The following SGMS1 variants were observed in gnomAD, a reference collection of about 807,000 sequenced individuals.
SGMS1 encodes the protein sphingomyelin synthase 1, also known as phosphatidylcholine:ceramide cholinephosphotransferase 1.
A neutral mutation model predicts 46.2 loss-of-function variants in SGMS1; 13 were observed. That is an observed-to-expected ratio of 0.28 (90% CI 0.18 to 0.45). The LOEUF is 0.45. SGMS1 is among the 20% of genes least tolerant of loss of function. SGMS1 has a pLI of 1.00. For missense variants in SGMS1, 324 were observed against 519.9 expected, an observed-to-expected ratio of 0.62 and a Z score of 3.66; for synonymous variants, 203 against 187.8, an observed-to-expected ratio of 1.08 and a Z score of -0.66.
At chr10:50,440,391 AG>A (rs1312607746) in intron 5 of SGMS1, among the ~76,000 whole-genome samples, 2 of 152,054 alleles carry the variant, frequency 1.3e-5, no homozygotes, top group African/African-American at 4.8e-5. Context: ...AAAGTAAATA[AG>A]GGCTTATTTT....
chr10:50,358,120 T>C (rs1269493611), intron 6 of SGMS1, among the ~76,000 whole-genome samples: 3 of 152,132 alleles, frequency 2.0e-5, no homozygotes, highest in Non-Finnish European at 4.4e-5. Flanking sequence ...TCTCTATTTT[T>C]TTTAAATGTA....
chr10:50,581,730 T>C (rs1838436231), intron 2 of SGMS1, among the ~76,000 whole-genome samples: 1 of 152,198 alleles, frequency 6.6e-6, no homozygotes, highest in Admixed American at 6.5e-5. Context: ...TGAATAGGTG[T>C]TGTTCTTTGG....
intron 3 of SGMS1, among the ~76,000 whole-genome samples, chr10:50,478,804 CA>C (rs1467024219): frequency 1.3e-5 from 2 of 152,102 alleles, no homozygotes; most frequent in African/African-American, 4.8e-5. Context: ...ACAATCGATT[CA>C]ATTAGGAAAC....
At chr10:50,618,596 A>T (rs1445568274) in intron 1 of SGMS1, among the ~76,000 whole-genome samples, 4 of 152,234 alleles carry the variant, frequency 2.6e-5, no homozygotes, top group Non-Finnish European at 4.4e-5. Context: ...CTTTACAGCC[A>T]CCAAACATTG....
In SGMS1 at chr10:50,347,248, A is replaced by G. The variant is rs142312391; in HGVS notation, c.-231-2903T>C. 1.5e-3 allele frequency among the ~76,000 whole-genome samples: 222 copies of G among 152,308 alleles called. 5 individuals carry two copies. The East Asian group carries it at 0.039, about 27-fold the overall frequency. ...CTCAGAAGATAATCAATGTCTGCTC[A>G]ATATCTTCAAAAATATTCCTTTGAC... On this transcript the variant is annotated intron_variant, in intron 6 of 10. Transcript: ENST00000361781.
At chr10:50,525,107 G>A (rs996691747) in intron 2 of SGMS1, among the ~76,000 whole-genome samples, 2 of 152,160 alleles carry the variant, frequency 1.3e-5, no homozygotes, top group African/African-American at 2.4e-5. Context: ...TTAAATCAAA[G>A]ATTAAGAAGA....
At chr10:50,564,723 A>C (rs1838273126) in intron 2 of SGMS1, among the ~76,000 whole-genome samples, 1 of 152,232 alleles carries the variant, frequency 6.6e-6, no homozygotes, top group African/African-American at 2.4e-5. Context: ...ATAGGGCAGC[A>C]GAAAATGAGA....
intron 6 of SGMS1, among the ~76,000 whole-genome samples, chr10:50,397,048 A>G (rs1036637326): frequency 2.0e-5 from 3 of 152,202 alleles, no homozygotes; most frequent in African/African-American, 7.2e-5. Flanking sequence ...AATGTGCAGT[A>G]AGATCAAAAG....
At chr10:50,420,505 C>T (rs2133594889) in intron 6 of SGMS1, among the ~76,000 whole-genome samples, 1 of 152,308 alleles carries the variant, frequency 6.6e-6, no homozygotes, top group East Asian at 1.9e-4. Context: ...AAACCTTTTC[C>T]TCTCAGTCAA....
intron 3 of SGMS1, among the ~76,000 whole-genome samples, chr10:50,479,362 T>C (rs951939141): frequency 2.6e-5 from 4 of 152,166 alleles, no homozygotes; most frequent in African/African-American, 9.7e-5. Context: ...CCTAATGTCC[T>C]AGATTTGCAT....
At chr10:50,567,725 T>A (rs1276546492) in intron 2 of SGMS1, among the ~76,000 whole-genome samples, 1 of 152,162 alleles carries the variant, frequency 6.6e-6, no homozygotes, top group Non-Finnish European at 1.5e-5. Context: ...TTTAGACACA[T>A]CACAAAGTGA....
chr10:50,324,124 C>T (rs1029858222), intron 8 of SGMS1, among the ~76,000 whole-genome samples: 1 of 152,068 alleles, frequency 6.6e-6, no homozygotes, highest in South Asian at 2.1e-4. Flanking sequence ...CCCACAGAGC[C>T]CCTAGAAACT....
intron 2 of SGMS1, among the ~76,000 whole-genome samples, chr10:50,527,084 A>G (rs1436201836): frequency 3.3e-4 from 49 of 146,492 alleles, no homozygotes; most frequent in African/African-American, 1.3e-3. Flanking sequence ...AAAAAAAAAA[A>G]AAAAAGAAAG....
At chr10:50,333,662 A>C (rs569492248) in intron 7 of SGMS1, among the ~76,000 whole-genome samples, 1 of 152,336 alleles carries the variant, frequency 6.6e-6, no homozygotes, top group South Asian at 2.1e-4. Flanking sequence ...GAAAATTCTA[A>C]GGAAAGGTTA....
intron 3 of SGMS1, among the ~76,000 whole-genome samples, chr10:50,483,787 A>G (rs1564925674): frequency 6.6e-6 from 1 of 152,228 alleles, no homozygotes; most frequent in Non-Finnish European, 1.5e-5. Flanking sequence ...CTGCTCCTGA[A>G]TGACTCCTGA....
chr10:50,599,808 A>C (rs149080448), intron 1 of SGMS1, among the ~76,000 whole-genome samples: 1,669 of 152,330 alleles, frequency 0.011, 30 homozygotes, highest in African/African-American at 0.038. Flanking sequence ...GGTTGCAGTG[A>C]GCCAAGATTG....
intron 3 of SGMS1, among the ~76,000 whole-genome samples, chr10:50,485,327 T>G (rs767337925): frequency 5.3e-5 from 8 of 152,148 alleles, no homozygotes; most frequent in Non-Finnish European, 1.0e-4. Flanking sequence ...TACCTAGGAA[T>G]ACAGCTAACA....
chr10:50,397,518 C>T (rs935489882), intron 6 of SGMS1, among the ~76,000 whole-genome samples: 8 of 152,196 alleles, frequency 5.3e-5, no homozygotes, highest in Admixed American at 2.0e-4. Flanking sequence ...TCACAGCTCA[C>T]TCTCTCGCCG....
chr10:50,478,081 G>A (rs16937491), intron 3 of SGMS1, among the ~76,000 whole-genome samples: 10,130 of 152,162 alleles, frequency 0.067, 883 homozygotes, highest in East Asian at 0.37. Context: ...GTACATCAGT[G>A]GGTAACAACT....
Sources: gnomAD v4.1 joint callset for allele counts (sites outside exome capture counted in the v4.1 genomes callset) on GRCh38, gnomAD v4.1.1 for gene constraint, MANE v1.5 for transcripts, NCBI Gene and HGNC (gene_info 2026-07-23, HGNC 2026-07-21) for gene names.